The following C19orf47 variants were observed in gnomAD, a reference collection of about 807,000 sequenced individuals.
C19orf47 encodes the protein chromosome 19 open reading frame 47.
A neutral mutation model predicts 32.3 loss-of-function variants in C19orf47; 18 were observed. The observed-to-expected ratio is 0.56, with a 90% CI of 0.39 to 0.83. The LOEUF (loss-of-function observed/expected upper bound fraction) is 0.83, where lower values mean the gene tolerates loss of function less well. Among genes scored for constraint, C19orf47 ranks in the 40% least tolerant of loss-of-function variants. The probability of loss-of-function intolerance (pLI) is 0.00; values close to 1 mark genes in which losing one functional copy is unlikely to be tolerated. For missense variants in C19orf47, 484 were observed against 531.6 expected, an observed-to-expected ratio of 0.91 and a Z score of 0.88; for synonymous variants, 202 against 211.1, an observed-to-expected ratio of 0.96 and a Z score of 0.37.
At chr19:40,308,975 T>C in the C19orf47 span, among the ~76,000 whole-genome samples, 1 of 152,224 alleles carries the variant, frequency 6.6e-6, no homozygotes, top group East Asian at 1.9e-4. Flanking sequence ...AGCAAGAGGA[T>C]TACCTGAGCC....
intron 3 of C19orf47, 35 bp from the exon 4 acceptor site, chr19:40,336,259 G>A: frequency 6.2e-7 from 1 of 1,613,774 alleles, no homozygotes; most frequent in Non-Finnish European, 8.5e-7. Flanking sequence ...GCCCCAGGTG[G>A]GCCAGAGTGG....
downstream of C19orf47, among the ~76,000 whole-genome samples, chr19:40,316,835 A>G (rs1162816574): frequency 2.6e-5 from 4 of 152,326 alleles, no homozygotes; most frequent in East Asian, 5.8e-4. Context: ...GACTACTTGT[A>G]ATAGCACGAG....
At chr19:40,306,151 CAAAAAAAAAAAA>C in the C19orf47 span, among the ~76,000 whole-genome samples, 1 of 53,874 alleles carries the variant, frequency 1.9e-5, no homozygotes, top group African/African-American at 7.1e-5. Flanking sequence ...AACTCTGTCT[CAAAAAAAAAAAA>C]AAAAAAAAAA....
chr19:40,326,445 C>T lies in C19orf47; in HGVS notation c.481G>A (p.Ala161Thr). The T allele has an allele frequency of 6.2e-7, 1 of 1,614,084 alleles. No homozygotes were observed. Among genetic ancestry groups the T allele is most frequent in the Non-Finnish European group, 8.5e-7 (1 of 1,180,048 alleles). Residue 161 changes from alanine (A) to threonine (T), a missense_variant, in exon 7 of 9, where the codon GCC (alanine) becomes ACC (threonine). By Grantham distance (58) the Ala-to-Thr change is moderately conservative. This residue lies in a region of C19orf47 where 376 missense variants were observed against 370.2 expected (regional missense o/e 1.02). Coordinates refer to ENST00000683109, the MANE Select transcript of C19orf47 (RefSeq NM_001256441.2). Reference sequence around the variant, plus strand: ...TCAGCAGTGACCCGGCGCCGCTTGGCAGGAACAGCCAGGCTCTCCTCCTCC... The same window carrying T: ...TCAGCAGTGACCCGGCGCCGCTTGGTAGGAACAGCCAGGCTCTCCTCCTCC... ...RREEESLAVP[A>T]KRRRVTAEME...
intron 2 of C19orf47, among the ~76,000 whole-genome samples, chr19:40,340,182 T>C (rs1006959412): frequency 6.6e-6 from 1 of 151,200 alleles, no homozygotes; most frequent in East Asian, 1.9e-4. Flanking sequence ...ATAATGTACA[T>C]GCAAAAAAGT....
intron 1 of C19orf47, among the ~76,000 whole-genome samples, chr19:40,347,391 G>C (rs1328359460): frequency 6.6e-6 from 1 of 152,060 alleles, no homozygotes; most frequent in Non-Finnish European, 1.5e-5. Context: ...AATTAGCCGG[G>C]CGTGGTGGCG....
At chr19:40,328,858 G>T (rs552059403) in intron 5 of C19orf47, among the ~76,000 whole-genome samples, 4 of 152,050 alleles carry the variant, frequency 2.6e-5, no homozygotes, top group African/African-American at 9.7e-5. Flanking sequence ...CGCCCCTCCC[G>T]GAGCTGCTTC....
At chr19:40,344,390 A>C (rs1464750497) in intron 1 of C19orf47, among the ~76,000 whole-genome samples, 1 of 151,890 alleles carries the variant, frequency 6.6e-6, no homozygotes, top group African/African-American at 2.4e-5. Context: ...GAGGCAGGAG[A>C]ATCGCTTGAA....
the C19orf47 span, among the ~76,000 whole-genome samples, chr19:40,297,872 C>CAAA: frequency 2.9e-5 from 3 of 104,996 alleles, no homozygotes; most frequent in East Asian, 2.6e-4. Context: ...GACTCCGTCT[C>CAAA]AAAAAAAAAA....
In C19orf47 at chr19:40,336,061, C is replaced by T. The variant is rs538534454; in HGVS notation, c.222+49G>A. ...TCCCATTGGCTCTGCAACTGACCCTCCACCTCCATGCCAAACCCAGAGACA... is the reference window on the plus strand; with the variant it reads ...TCCCATTGGCTCTGCAACTGACCCTTCACCTCCATGCCAAACCCAGAGACA... On this transcript the variant is annotated intron_variant, in intron 4 of 8. Transcript: ENST00000683109. 2.2e-5 allele frequency: 34 copies of T among 1,562,234 alleles called. No individual in the cohort carries two copies. In the East Asian group the frequency reaches 5.6e-4, roughly 26 times the overall value.
Position 40,329,986 on chromosome 19 carries a change from T to C in C19orf47, c.302-1436A>G, listed in dbSNP as rs1033880584. 2.2e-4 allele frequency among the ~76,000 whole-genome samples: 34 copies of C among 152,206 alleles called. 1 individual carries two copies. Among genetic ancestry groups the C allele is most frequent in the African/African-American group, 8.2e-4 (34 of 41,450 alleles). ...ATTGTCATGACAGGCAAGCCCCATT[T>C]GGGTGGCGGTTAAGCAACCAACTCT... On this transcript the variant is annotated intron_variant, in intron 5 of 8. Transcript: ENST00000683109.
the C19orf47 span, chr19:40,299,400 T>A: frequency 6.6e-6 from 1 of 152,200 alleles, no homozygotes; most frequent in Non-Finnish European, 1.5e-5. Flanking sequence ...GTAACCAGAC[T>A]AATTATTAGT....
the C19orf47 span, among the ~76,000 whole-genome samples, chr19:40,310,388 C>T: frequency 6.6e-6 from 1 of 152,182 alleles, no homozygotes; most frequent in African/African-American, 2.4e-5. Context: ...AAGCGATTCT[C>T]GTGCCTCAGC....
intron 7 of C19orf47, chr19:40,324,483 T>C (rs926244993): frequency 1.7e-5 from 3 of 180,842 alleles, no homozygotes. Flanking sequence ...GGTATATGAA[T>C]ACTCTGGAAA....
At chr19:40,325,456 C>T (rs1018630659) in intron 7 of C19orf47, among the ~76,000 whole-genome samples, 1 of 151,630 alleles carries the variant, frequency 6.6e-6, no homozygotes, top group African/African-American at 2.4e-5. Flanking sequence ...GGCAAAACCC[C>T]CTCTCTACAA....
At chr19:40,342,858 C>T (rs768735621) in intron 1 of C19orf47, among the ~76,000 whole-genome samples, 8 of 152,072 alleles carry the variant, frequency 5.3e-5, no homozygotes, top group Non-Finnish European at 1.2e-4. Context: ...TGCAGTGGAG[C>T]GAGCAGGAAG....
At chr19:40,325,815 C>T (rs1412415675) in intron 7 of C19orf47, among the ~76,000 whole-genome samples, 1 of 152,136 alleles carries the variant, frequency 6.6e-6, no homozygotes, top group Non-Finnish European at 1.5e-5. Context: ...GGCCACCGCG[C>T]CCAGCCTTTT....
chr19:40,340,106 A>G (rs955596077), intron 2 of C19orf47, among the ~76,000 whole-genome samples: 1 of 151,956 alleles, frequency 6.6e-6, no homozygotes, highest in African/African-American at 2.4e-5. Flanking sequence ...GGGGGCTGAC[A>G]ATATTCTCTT....
At chr19:40,305,943 G>A in the C19orf47 span, among the ~76,000 whole-genome samples, 1 of 152,102 alleles carries the variant, frequency 6.6e-6, no homozygotes, top group Non-Finnish European at 1.5e-5. Flanking sequence ...GAGGTCAGGA[G>A]TTCAAAGACC....
Sources: allele counts gnomAD v4.1 joint callset (sites outside exome capture counted in the v4.1 genomes callset), GRCh38; gene constraint gnomAD v4.1.1; regional missense constraint gnomAD v4.1.1; transcripts MANE v1.5; gene names NCBI Gene and HGNC (gene_info 2026-07-23, HGNC 2026-07-21).